The following MFSD6 variants were observed in gnomAD, a reference collection of about 807,000 sequenced individuals.
MFSD6 encodes the protein major facilitator superfamily domain-containing protein 6.
MFSD6 carries 26 observed loss-of-function variants against 56.3 expected under a neutral mutation model. That is an observed-to-expected ratio of 0.46 (90% CI 0.34 to 0.64). The LOEUF (loss-of-function observed/expected upper bound fraction) is 0.64. MFSD6 is among the 30% of genes least tolerant of loss of function. The pLI, the probability that MFSD6 is intolerant of heterozygous loss-of-function variation, is 0.01. For missense variants in MFSD6, 750 were observed against 986.2 expected (o/e 0.76, Z 3.21); for synonymous variants, 331 against 366.9 (o/e 0.90, Z 1.12).
In MFSD6 at chr2:190,412,303, A is replaced by C. The variant is rs1690592238; in HGVS notation, c.-175-2989A>C. ...AGTAGGTAATCTTGAGAAAGAGGGA[A>C]TTGTAAAAGTATTTTACAGAAGAGA... is the stretch of plus-strand genomic sequence containing the variant. On this transcript the variant is annotated intron_variant, in intron 1 of 7. Transcript: ENST00000392328. This position sits in a 1 kb window ranked among gnomAD's most constrained non-coding sequence, Gnocchi z 4.1. 4.1e-6 allele frequency: 4 copies of C among 982,824 alleles called. No homozygotes were observed. In the East Asian group the frequency reaches 4.5e-4, roughly 111 times the overall value. 60.9% of individuals were successfully genotyped at this position (982,824 alleles called of 1,614,324 possible). A position where few individuals can be genotyped will look rare whatever the true frequency, so the allele number is the denominator to read the frequency against.
Position 190,438,319 on chromosome 2 carries a change from C to T in MFSD6, c.1532+758C>T, listed in dbSNP as rs977908161. On this transcript the variant is annotated intron_variant, in intron 3 of 7. Coordinates refer to ENST00000392328, the MANE Select transcript of MFSD6 (RefSeq NM_017694.4). The surrounding 1 kb of genome is among the most constrained non-coding windows in gnomAD (Gnocchi z 5.2). ...TCACTTGAGGTCAGGAGTTCGAGAC[C>T]AGCCTGGCCAACATGGTGAAACCCC... Among the ~76,000 whole-genome samples the T allele has an allele frequency of 6.6e-6, 1 of 152,078 alleles. No individual in the cohort carries two copies. The highest frequency in any genetic ancestry group is 2.4e-5 in the African/African-American group (1 of 41,400).
intron 2 of MFSD6, among the ~76,000 whole-genome samples, chr2:190,427,374 G>A (rs1685814061): frequency 6.6e-6 from 1 of 152,212 alleles, no homozygotes; most frequent in South Asian, 2.1e-4. Context: ...AGTGGGAATA[G>A]GGTTATGATC....
At chr2:190,460,042 C>T (rs2125113553) in intron 3 of MFSD6, among the ~76,000 whole-genome samples, 1 of 152,310 alleles carries the variant, frequency 6.6e-6, no homozygotes, top group South Asian at 2.1e-4. Flanking sequence ...TGTGGGACTA[C>T]CACTGACTCT....
At chr2:190,455,027 T>C (rs570891009) in intron 3 of MFSD6, among the ~76,000 whole-genome samples, 1 of 148,290 alleles carries the variant, frequency 6.7e-6, no homozygotes, top group African/African-American at 2.5e-5. Flanking sequence ...ATATGTGTGT[T>C]GGTAAGCAGA....
Position 190,447,494 on chromosome 2 carries a change from C to T in MFSD6, c.1532+9933C>T, listed in dbSNP as rs767005130. The stretch of plus-strand genomic sequence containing the variant: ...ATAGGCCCTATCTTATACATATAGT[C>T]TGTGTCATAGCACATATGAAAAAAT... On this transcript the variant is annotated intron_variant, in intron 3 of 7. Coordinates refer to ENST00000392328, the MANE Select transcript of MFSD6 (RefSeq NM_017694.4). This position sits in a 1 kb window ranked among gnomAD's most constrained non-coding sequence, Gnocchi z 4.5. Among the ~76,000 whole-genome samples, 5 of 152,004 alleles carry T rather than the reference C, an allele frequency of 3.3e-5. No homozygotes were observed. Among genetic ancestry groups the T allele is most frequent in the Non-Finnish European group, 7.4e-5 (5 of 68,026 alleles).
intron 4 of MFSD6, among the ~76,000 whole-genome samples, chr2:190,475,300 G>C (rs565125875): frequency 4.6e-5 from 7 of 152,314 alleles, no homozygotes; most frequent in Non-Finnish European, 7.4e-5. Context: ...TGACATGATT[G>C]TATATCTAGA....
In MFSD6 at chr2:190,462,539, G is replaced by A. The variant is rs1164941859; in HGVS notation, c.1533-7219G>A. On this transcript the variant is annotated intron_variant, in intron 3 of 7. Transcript: ENST00000392328. The surrounding 1 kb of genome is among the most constrained non-coding windows in gnomAD (Gnocchi z 5.7). The stretch of plus-strand genomic sequence containing the variant: ...CCTGAGCAAGGCAGGCTCTTTTTGA[G>A]TACAAAGAGGAAGAAGACATGGCCG... 1.3e-5 allele frequency among the ~76,000 whole-genome samples: 2 copies of A among 152,190 alleles called. No individual in the cohort carries two copies. Among genetic ancestry groups the A allele is most frequent in the African/African-American group, 4.8e-5 (2 of 41,444 alleles).
In MFSD6 at chr2:190,500,009, C is replaced by T; in HGVS notation, c.2173-6C>T. 3.1e-6 allele frequency: 5 copies of T among 1,614,068 alleles called. No homozygotes were observed. Among genetic ancestry groups the T allele is most frequent in the Middle Eastern group, 1.6e-4 (1 of 6,062 alleles). On this transcript the variant is annotated splice_region_variant and splice_polypyrimidine_tract_variant and intron_variant, in intron 7 of 7. Transcript: ENST00000392328. This position sits in a 1 kb window ranked among gnomAD's most constrained non-coding sequence, Gnocchi z 5.3. Reference sequence around the variant, plus strand: ...TCATGGGGCATCTCCTGTTTTTTACCTCCAGGGGACCAATGAGAATAGGGA... The same window carrying T: ...TCATGGGGCATCTCCTGTTTTTTACTTCCAGGGGACCAATGAGAATAGGGA...
At chr2:190,484,218 G>T (rs1688878146) in intron 4 of MFSD6, among the ~76,000 whole-genome samples, 1 of 152,184 alleles carries the variant, frequency 6.6e-6, no homozygotes, top group Non-Finnish European at 1.5e-5. Context: ...ACTGTTGTCA[G>T]TCAGGGAGTA....
chr2:190,407,678 T>C (rs1690361196), upstream of MFSD6, among the ~76,000 whole-genome samples: 1 of 152,206 alleles, frequency 6.6e-6, no homozygotes, highest in Non-Finnish European at 1.5e-5. The surrounding 1 kb of genome is among the most constrained non-coding windows in gnomAD (Gnocchi z 5.4). Context: ...ACACACACGG[T>C]TGGCTTTTCA....
intron 4 of MFSD6, among the ~76,000 whole-genome samples, chr2:190,481,245 G>A (rs769029901): frequency 6.6e-6 from 1 of 152,146 alleles, no homozygotes; most frequent in South Asian, 2.1e-4. Flanking sequence ...AAAAATTCAC[G>A]AGGGCCCCCT....
chr2:190,472,709 A>G (rs1423064285), intron 4 of MFSD6, among the ~76,000 whole-genome samples: 2 of 152,232 alleles, frequency 1.3e-5, no homozygotes, highest in African/African-American at 4.8e-5. Flanking sequence ...AAGGCAGGCC[A>G]ACATTCAAAT....
chr2:190,491,247 G>T lies in MFSD6; in HGVS notation c.1891+1381G>T, dbSNP rs968004759. On this transcript the variant is annotated intron_variant, in intron 6 of 7. Transcript: ENST00000392328. The surrounding 1 kb of genome is among the most constrained non-coding windows in gnomAD (Gnocchi z 4.2). ...TGTGTTCTGGAGAGACTGTTATTGGGAAAATGGCAAGATAGGAGGCAGGAT... is the reference window on the plus strand; with the variant it reads ...TGTGTTCTGGAGAGACTGTTATTGGTAAAATGGCAAGATAGGAGGCAGGAT... 1.3e-5 allele frequency among the ~76,000 whole-genome samples: 2 copies of T among 152,190 alleles called. No individual in the cohort carries two copies. Among genetic ancestry groups the T allele is most frequent in the Non-Finnish European group, 2.9e-5 (2 of 68,032 alleles).
Position 190,498,017 on chromosome 2 carries a change from A to T in MFSD6, c.2172+298A>T, listed in dbSNP as rs1574271513. 8.3e-6 allele frequency: 2 copies of T among 241,268 alleles called. No homozygotes were observed. The highest frequency in any genetic ancestry group is 1.8e-4 in the East Asian group (2 of 11,258). 14.9% of individuals were successfully genotyped at this position (241,268 alleles called of 1,614,324 possible). Reference sequence around the variant, plus strand: ...ATTCTTTCATTGTATATTTGTTTTAAATTTCAGTATTGATGGTTGTCTCTG... The same window carrying T: ...ATTCTTTCATTGTATATTTGTTTTATATTTCAGTATTGATGGTTGTCTCTG... On this transcript the variant is annotated intron_variant, in intron 7 of 7. Transcript: ENST00000392328. The surrounding 1 kb of genome is among the most constrained non-coding windows in gnomAD (Gnocchi z 5.9).
chr2:190,456,686 C>G lies in MFSD6; in HGVS notation c.1533-13072C>G, dbSNP rs1164913376. On this transcript the variant is annotated intron_variant, in intron 3 of 7. Coordinates refer to ENST00000392328, the MANE Select transcript of MFSD6 (RefSeq NM_017694.4). The surrounding 1 kb of genome is among the most constrained non-coding windows in gnomAD (Gnocchi z 5.4). ...TCCCTGACAAGGCAAGCATCCACTT[C>G]TGATTATTTAAAGTCTGCCTGCTTG... 6.6e-6 allele frequency among the ~76,000 whole-genome samples: 1 copy of G among 152,224 alleles called. No homozygotes were observed. The highest frequency in any genetic ancestry group is 1.9e-4 in the East Asian group (1 of 5,202).
At chr2:190,429,338 T>G (rs1685887062) in intron 2 of MFSD6, among the ~76,000 whole-genome samples, 2 of 151,884 alleles carry the variant, frequency 1.3e-5, no homozygotes, top group African/African-American at 4.8e-5. Context: ...TTCTTTTTTT[T>G]TTTTTGAGAT....
At chr2:190,478,518 G>T (rs376827339) in intron 4 of MFSD6, among the ~76,000 whole-genome samples, 3 of 152,186 alleles carry the variant, frequency 2.0e-5, no homozygotes, top group African/African-American at 7.2e-5. Flanking sequence ...GTTTGGATTC[G>T]TCTGCCTTTA....
In MFSD6 at chr2:190,461,488, C is replaced by G. The variant is rs1045939395; in HGVS notation, c.1533-8270C>G. Among the ~76,000 whole-genome samples the G allele has an allele frequency of 3.3e-5, 5 of 152,154 alleles. No individual in the cohort carries two copies. Among genetic ancestry groups the G allele is most frequent in the Non-Finnish European group, 5.9e-5 (4 of 68,028 alleles). ...TTTTTCTGACATAAATATTACAATACTATACTTAATATTCTGCAATGTCTT... is the reference window on the plus strand; with the variant it reads ...TTTTTCTGACATAAATATTACAATAGTATACTTAATATTCTGCAATGTCTT... On this transcript the variant is annotated intron_variant, in intron 3 of 7. Transcript: ENST00000392328. The surrounding 1 kb of genome is among the most constrained non-coding windows in gnomAD (Gnocchi z 5.5).
rs1473343815 is a variant in MFSD6, at chr2:190,454,045, T to G, written c.1533-15713T>G. 2 of 152,236 alleles carry G rather than the reference T, an allele frequency of 1.3e-5. No homozygotes were observed. Among genetic ancestry groups the G allele is most frequent in the Non-Finnish European group, 2.9e-5 (2 of 68,044 alleles). 9.4% of individuals were successfully genotyped at this position (152,236 alleles called of 1,614,324 possible). A position where few individuals can be genotyped will look rare whatever the true frequency, so the allele number is the denominator to read the frequency against. ...CTAATTAGACTAAATCAGTCCTTGT[T>G]TTAGTTTCCTGACCACCAGTAAAAT... On this transcript the variant is annotated intron_variant, in intron 3 of 7. Coordinates refer to ENST00000392328, the MANE Select transcript of MFSD6 (RefSeq NM_017694.4). The surrounding 1 kb of genome is among the most constrained non-coding windows in gnomAD (Gnocchi z 4.6).
Sources: allele counts gnomAD v4.1 joint callset (sites outside exome capture counted in the v4.1 genomes callset), GRCh38; gene constraint gnomAD v4.1.1; non-coding constraint Gnocchi (gnomAD v3.1); transcripts MANE v1.5; gene names NCBI Gene and HGNC (gene_info 2026-07-23, HGNC 2026-07-21).